Variants in OSBPL1A observed in about 807,000 individuals in gnomAD.
The protein encoded by OSBPL1A is oxysterol-binding protein-related protein 1.
A neutral mutation model predicts 137.1 loss-of-function variants in OSBPL1A; 80 were observed. The observed-to-expected ratio is 0.58, with a 90% confidence interval of 0.49 to 0.70. OSBPL1A has a LOEUF of 0.70. Ranked by LOEUF, OSBPL1A falls within the 30% of genes least tolerant of loss-of-function variation. OSBPL1A has a pLI of 0.00. For synonymous variants in OSBPL1A, 365 were observed against 389.7 expected (o/e 0.94, Z 0.75); for missense variants, 970 against 1,129.4 (o/e 0.86, Z 2.02).
At position 24,318,371 on chromosome 18, in the gene OSBPL1A, G is replaced by A. The variant is rs796190423; in HGVS notation, c.732+230C>T. Reference sequence around the variant, plus strand: ...AGGCAGGAGAACCACTTGAACCCAGGTAGTGGAGGTTGCAGTGAGTATACC... The same window carrying A: ...AGGCAGGAGAACCACTTGAACCCAGATAGTGGAGGTTGCAGTGAGTATACC... On this transcript the variant is annotated intron_variant, in intron 9 of 27. Transcript: ENST00000319481. Among the ~76,000 whole-genome samples the A allele has an allele frequency of 2.6e-4, 40 of 152,150 alleles. 2 individuals carry two copies. The highest frequency in any genetic ancestry group is 9.2e-4 in the African/African-American group (38 of 41,514).
chr18:24,259,982 G>A (rs1226032393), intron 15 of OSBPL1A, among the ~76,000 whole-genome samples: 4 of 151,928 alleles, frequency 2.6e-5, no homozygotes, highest in Non-Finnish European at 1.5e-5. Context: ...AGAACTCTAC[G>A]CTCAGCAATA....
At chr18:24,186,211 A>G (rs980646076) in intron 18 of OSBPL1A, among the ~76,000 whole-genome samples, 22 of 152,226 alleles carry the variant, frequency 1.4e-4, no homozygotes, top group African/African-American at 5.3e-4. Context: ...AAAAAAGAGT[A>G]GCAAAAAAAG....
At chr18:24,257,233 A>G (rs1488920981) in intron 15 of OSBPL1A, among the ~76,000 whole-genome samples, 5 of 152,204 alleles carry the variant, frequency 3.3e-5, no homozygotes, top group African/African-American at 7.2e-5. Context: ...AAATTACAGT[A>G]CAGAGCTACA....
intron 17 of OSBPL1A, among the ~76,000 whole-genome samples, chr18:24,201,281 G>T (rs1279355076): frequency 2.6e-5 from 4 of 152,170 alleles, no homozygotes; most frequent in Non-Finnish European, 5.9e-5. Flanking sequence ...GATGCAAACG[G>T]CTCCGCCTGC....
At chr18:24,343,417 A>G (rs769311438) in intron 4 of OSBPL1A, among the ~76,000 whole-genome samples, 20 of 152,316 alleles carry the variant, frequency 1.3e-4, no homozygotes, top group Non-Finnish European at 2.4e-4. Context: ...CTATCTACAG[A>G]TTCAATGCAA....
chr18:24,368,255 G>T, intron 3 of OSBPL1A, 32 bp downstream of exon 3: 1 of 1,493,144 alleles, frequency 6.7e-7, no homozygotes, highest in Non-Finnish European at 9.3e-7. Context: ...AATATTTACT[G>T]TAGTCATTAA....
At chr18:24,167,903 C>T (rs2086183371) in intron 24 of OSBPL1A, among the ~76,000 whole-genome samples, 2 of 152,132 alleles carry the variant, frequency 1.3e-5, no homozygotes, top group Admixed American at 1.3e-4. Flanking sequence ...ATTCTTATAT[C>T]CTTACTTTGA....
chr18:24,162,146 T>C lies in OSBPL1A; in HGVS notation c.*1033A>G, dbSNP rs1188653872. ...GCAATTAAAATCACGGACTGGCAGCTACCTAGGCCCCTGGGAGCAGTATCT... is the reference window on the plus strand; with the variant it reads ...GCAATTAAAATCACGGACTGGCAGCCACCTAGGCCCCTGGGAGCAGTATCT... On this transcript the variant is annotated 3_prime_UTR_variant, in exon 28 of 28. Transcript: ENST00000319481. 3.9e-5 allele frequency: 6 copies of C among 152,284 alleles called. No homozygotes were observed. Among genetic ancestry groups the C allele is most frequent in the Non-Finnish European group, 4.4e-5 (3 of 68,084 alleles). 9.4% of individuals were successfully genotyped at this position (152,284 alleles called of 1,614,324 possible). A position where few individuals can be genotyped will look rare whatever the true frequency, so the allele number is the denominator to read the frequency against.
At chr18:24,220,015 T>G (rs1036241758) in intron 17 of OSBPL1A, among the ~76,000 whole-genome samples, 9 of 152,200 alleles carry the variant, frequency 5.9e-5, no homozygotes, top group Non-Finnish European at 8.8e-5. Context: ...TCTCATTTAT[T>G]ATGTCTCCAA....
intron 15 of OSBPL1A, among the ~76,000 whole-genome samples, chr18:24,273,863 C>T (rs1454324271): frequency 6.6e-6 from 1 of 152,110 alleles, no homozygotes; most frequent in African/African-American, 2.4e-5. Context: ...GAATTTATCT[C>T]ACAGAACAGC....
At chr18:24,181,311 C>CCCATATACAT (rs1367419705) in intron 18 of OSBPL1A, 32 bp from the exon 19 acceptor site, 1 of 1,604,108 alleles carries the variant, frequency 6.2e-7, no homozygotes. Context: ...AGTGTTATGT[C>CCCATATACAT]CCATATACAT....
At chr18:24,198,698 C>T (rs1219958806) in intron 17 of OSBPL1A, among the ~76,000 whole-genome samples, 1 of 151,890 alleles carries the variant, frequency 6.6e-6, no homozygotes, top group Non-Finnish European at 1.5e-5. Context: ...TAAATGACCT[C>T]TCAGTTGCTG....
chr18:24,291,416 T>C (rs1280376285), intron 14 of OSBPL1A, among the ~76,000 whole-genome samples: 1 of 151,826 alleles, frequency 6.6e-6, no homozygotes, highest in South Asian at 2.1e-4. Context: ...ACTGACTAAA[T>C]TGAGAAAGAA....
intron 1 of OSBPL1A, among the ~76,000 whole-genome samples, chr18:24,392,741 A>G (rs997440238): frequency 6.6e-6 from 1 of 152,150 alleles, no homozygotes; most frequent in Non-Finnish European, 1.5e-5. Context: ...CCCAGGATGG[A>G]GTGCAGTGGC....
chr18:24,180,702 C>T (rs1296520921), intron 19 of OSBPL1A, among the ~76,000 whole-genome samples: 2 of 152,090 alleles, frequency 1.3e-5, no homozygotes, highest in Admixed American at 6.5e-5. Flanking sequence ...GGTGAAAACC[C>T]GTCTCTACTA....
At chr18:24,228,548 T>G (rs988045107) in intron 16 of OSBPL1A, among the ~76,000 whole-genome samples, 1 of 152,174 alleles carries the variant, frequency 6.6e-6, no homozygotes, top group Non-Finnish European at 1.5e-5. Flanking sequence ...ATCTGGTCCC[T>G]GCGCATGGCC....
At chr18:24,181,020 A>G in intron 19 of OSBPL1A, 125 bp downstream of exon 19, 2 of 1,160,716 alleles carry the variant, frequency 1.7e-6, no homozygotes, top group South Asian at 1.6e-5. Context: ...ATGCGGACTG[A>G]GCTTTGATAA....
chr18:24,169,739 G>A (rs1266317445), intron 24 of OSBPL1A, among the ~76,000 whole-genome samples: 1 of 152,186 alleles, frequency 6.6e-6, no homozygotes, highest in African/African-American at 2.4e-5. Context: ...TATGCCAGGA[G>A]GGAAGGGGCA....
At chr18:24,287,194 A>T (rs2090079366) in intron 14 of OSBPL1A, among the ~76,000 whole-genome samples, 1 of 152,232 alleles carries the variant, frequency 6.6e-6, no homozygotes, top group South Asian at 2.1e-4. Flanking sequence ...AATCTTCATC[A>T]AAGGGTATAA....
Sources: allele counts gnomAD v4.1 joint callset (sites outside exome capture counted in the v4.1 genomes callset), GRCh38; gene constraint gnomAD v4.1.1; transcripts MANE v1.5; gene names NCBI Gene and HGNC (gene_info 2026-07-23, HGNC 2026-07-21).